The following FGD3 variants were observed in gnomAD, a reference collection of about 807,000 sequenced individuals.
FGD3 encodes the protein FYVE, RhoGEF and PH domain-containing protein 3.
In FGD3, 45 loss-of-function variants were observed where a neutral mutation model predicts 71.8. The ratio of observed to expected loss-of-function variants is 0.63; its 90% CI spans 0.49 to 0.80. The LOEUF (loss-of-function observed/expected upper bound fraction) is 0.80. Among genes scored for constraint, FGD3 ranks in the 30% least tolerant of loss-of-function variants. The probability of loss-of-function intolerance (pLI) is 0.00; values close to 1 mark genes in which losing one functional copy is unlikely to be tolerated. For synonymous variants in FGD3, 378 were observed against 392.8 expected, an observed-to-expected ratio of 0.96 and a Z score of 0.44; for missense variants, 844 against 951.5, an observed-to-expected ratio of 0.89 and a Z score of 1.49.
rs536310275 is a variant in FGD3, at chr9:93,012,630, CA to C, written c.1036-1217del. Among the ~76,000 whole-genome samples the C allele has an allele frequency of 6.9e-5, 9 of 131,290 alleles. No homozygotes were observed. The South Asian group carries it at 2.3e-3, about 33-fold the overall frequency. The allele number at this position is 131,290 out of a possible 152,430, so 86.1% of individuals were successfully genotyped here. On this transcript the variant is annotated intron_variant, in intron 8 of 17. Transcript: ENST00000375482. Reference sequence around the variant, plus strand: ...TGAAACCCTGTCTCTACTAAAAATACAAAAATTAGCCAGGTGTGGTGGCTCA... The same window carrying C: ...TGAAACCCTGTCTCTACTAAAAATACAAAATTAGCCAGGTGTGGTGGCTCA...
chr9:93,028,343 A>G (rs1862214311), intron 14 of FGD3, among the ~76,000 whole-genome samples: 2 of 145,408 alleles, frequency 1.4e-5, no homozygotes, highest in Non-Finnish European at 3.1e-5. Flanking sequence ...AAACAGGAAA[A>G]AAAAAAAAAA....
intron 2 of FGD3, among the ~76,000 whole-genome samples, chr9:92,975,702 C>T (rs984281785): frequency 3.3e-5 from 5 of 152,132 alleles, no homozygotes; most frequent in African/African-American, 1.2e-4. Flanking sequence ...CCCCAGCCCT[C>T]CCCTGAGGGA....
chr9:92,992,156 T>C (rs1860438346), intron 3 of FGD3, among the ~76,000 whole-genome samples: 1 of 152,266 alleles, frequency 6.6e-6, no homozygotes, highest in Admixed American at 6.5e-5. Context: ...TCAAGATTAT[T>C]ATTGATTGGT....
intron 14 of FGD3, 79 bp downstream of exon 14, chr9:93,022,468 T>C (rs890171511): frequency 2.4e-5 from 36 of 1,498,168 alleles, no homozygotes; most frequent in Non-Finnish European, 3.1e-5. Context: ...ATAGGGAAGA[T>C]GGAGAGGGAG....
chr9:93,016,180 A>G (rs1861677444), intron 10 of FGD3, among the ~76,000 whole-genome samples: 1 of 151,980 alleles, frequency 6.6e-6, no homozygotes, highest in South Asian at 2.1e-4. Flanking sequence ...TACAAACCCA[A>G]ACATGAAGCC....
At chr9:93,034,368 C>T (rs887762793) in intron 16 of FGD3, 173 bp from the exon 17 acceptor site, 1 of 802,172 alleles carries the variant, frequency 1.2e-6, no homozygotes, top group African/African-American at 1.8e-5. Flanking sequence ...CTGCAGGCTT[C>T]TAGTGACCCT....
chr9:92,948,999 G>T (rs1035417627), intron 1 of FGD3, among the ~76,000 whole-genome samples: 4 of 152,216 alleles, frequency 2.6e-5, no homozygotes, highest in African/African-American at 9.6e-5. Flanking sequence ...GGAGGCCTCA[G>T]TTTCCTTATC....
intron 9 of FGD3, among the ~76,000 whole-genome samples, chr9:93,015,478 T>G (rs1381381798): frequency 6.6e-6 from 1 of 152,054 alleles, no homozygotes; most frequent in Non-Finnish European, 1.5e-5. Context: ...AAAAGGTTTT[T>G]TTTTAAATTA....
chr9:93,016,436 C>T (rs1419495590), intron 10 of FGD3, among the ~76,000 whole-genome samples: 1 of 144,798 alleles, frequency 6.9e-6, no homozygotes, highest in Non-Finnish European at 1.5e-5. Context: ...CTCCTGGGTT[C>T]AAGGGATTCT....
intron 1 of FGD3, among the ~76,000 whole-genome samples, chr9:92,951,512 C>G (rs1858953639): frequency 6.6e-6 from 1 of 152,120 alleles, no homozygotes; most frequent in South Asian, 2.1e-4. Flanking sequence ...TCCTTGTCTG[C>G]AAAAAATACA....
intron 5 of FGD3, among the ~76,000 whole-genome samples, chr9:93,004,532 G>C (rs1011374481): frequency 6.6e-6 from 1 of 152,146 alleles, no homozygotes; most frequent in African/African-American, 2.4e-5. Context: ...GTGGACCTCA[G>C]ATCCTCCTCC....
At chr9:92,948,036 T>G (rs188736725) in intron 1 of FGD3, among the ~76,000 whole-genome samples, 12 of 152,326 alleles carry the variant, frequency 7.9e-5, no homozygotes, top group Admixed American at 6.5e-4. Context: ...CCAGGATACC[T>G]ACTGAATGAT....
At chr9:92,993,997 G>A (rs1456829798) in intron 3 of FGD3, among the ~76,000 whole-genome samples, 2 of 152,108 alleles carry the variant, frequency 1.3e-5, no homozygotes, top group South Asian at 4.1e-4. Context: ...GGGATGGCTG[G>A]GTCAAATAAT....
At chr9:93,030,209 G>T (rs1862303565) in intron 15 of FGD3, among the ~76,000 whole-genome samples, 1 of 152,244 alleles carries the variant, frequency 6.6e-6, no homozygotes, top group African/African-American at 2.4e-5. Context: ...CAGCTCTGGT[G>T]TTCAACAAAC....
At chr9:93,019,997 A>G in intron 12 of FGD3, 136 bp downstream of exon 12, 1 of 908,036 alleles carries the variant, frequency 1.1e-6, no homozygotes. Context: ...GGATGCAGTG[A>G]CCACACTGTG....
At chr9:92,961,696 C>T (rs1859170583) in intron 1 of FGD3, among the ~76,000 whole-genome samples, 1 of 152,162 alleles carries the variant, frequency 6.6e-6, no homozygotes, top group Non-Finnish European at 1.5e-5. Flanking sequence ...CAGATGGTGG[C>T]TGGGGCTGCA....
At chr9:93,014,948 C>A (rs1484803310) in intron 9 of FGD3, among the ~76,000 whole-genome samples, 1 of 151,686 alleles carries the variant, frequency 6.6e-6, no homozygotes, top group Non-Finnish European at 1.5e-5. Context: ...ACAATTTGAT[C>A]ACTGCCCCCG....
At chr9:93,017,565 C>T (rs1326202256) in intron 10 of FGD3, among the ~76,000 whole-genome samples, 1 of 152,084 alleles carries the variant, frequency 6.6e-6, no homozygotes, top group East Asian at 1.9e-4. Context: ...TGGTCTTATC[C>T]TGATGGAAGA....
intron 3 of FGD3, among the ~76,000 whole-genome samples, chr9:92,997,354 A>G (rs1489518574): frequency 1.4e-4 from 21 of 151,832 alleles, no homozygotes; most frequent in Admixed American, 1.4e-3. Context: ...CTTTATTTTG[A>G]GCCTATGTGT....
Sources: gnomAD v4.1 joint callset for allele counts (sites outside exome capture counted in the v4.1 genomes callset) on GRCh38, gnomAD v4.1.1 for gene constraint, MANE v1.5 for transcripts, NCBI Gene and HGNC (gene_info 2026-07-23, HGNC 2026-07-21) for gene names.